PLCXD3: variants seen among roughly 807,000 people sequenced by gnomAD.
PLCXD3 encodes the protein phosphatidylinositol specific phospholipase C X domain containing 3.
Under a neutral mutation model 25.5 loss-of-function variants are expected in PLCXD3, and 19 were observed. That is an observed-to-expected ratio of 0.75 (90% confidence interval 0.52 to 1.09). The LOEUF is 1.09. Ranked by LOEUF, PLCXD3 falls within the 50% of genes least tolerant of loss-of-function variation. PLCXD3 has a pLI of 0.00. For synonymous variants in PLCXD3, 174 were observed against 137.6 expected (o/e 1.26, Z -1.85); for missense variants, 411 against 388.1 (o/e 1.06, Z -0.50).
intron 1 of PLCXD3, among the ~76,000 whole-genome samples, chr5:41,507,136 G>GT: frequency 1.3e-5 from 2 of 152,272 alleles, no homozygotes; most frequent in Middle Eastern, 6.8e-3. Flanking sequence ...TGATTACAGA[G>GT]TTAGAACTCT....
chr5:41,475,805 T>C, intron 1 of PLCXD3: 2 of 505,310 alleles, frequency 4.0e-6, no homozygotes, highest in Non-Finnish European at 8.1e-6. Context: ...AGACCATCAT[T>C]ATGAGACTGA....
intron 1 of PLCXD3, chr5:41,456,568 G>T: frequency 1.1e-6 from 1 of 946,846 alleles, no homozygotes; most frequent in Non-Finnish European, 1.3e-6. Context: ...ATGCTGGAAA[G>T]TAGATGTTTG....
intron 1 of PLCXD3, among the ~76,000 whole-genome samples, chr5:41,463,747 T>C (rs1747947050): frequency 6.6e-6 from 1 of 151,944 alleles, no homozygotes. Context: ...TGTCCTCATA[T>C]TGCTGCGGCA....
intron 1 of PLCXD3, among the ~76,000 whole-genome samples, chr5:41,451,553 G>A (rs1031967366): frequency 8.6e-5 from 13 of 151,952 alleles, no homozygotes; most frequent in African/African-American, 2.9e-4. Context: ...GAGAGGAAAA[G>A]CATTGACTTT....
At chr5:41,462,075 G>A (rs987633959) in intron 1 of PLCXD3, among the ~76,000 whole-genome samples, 2 of 151,902 alleles carry the variant, frequency 1.3e-5, no homozygotes, top group African/African-American at 4.8e-5. Flanking sequence ...TTTAATCTAG[G>A]CAGCAGATGT....
At chr5:41,388,061 A>T (rs1159494052) in intron 1 of PLCXD3, among the ~76,000 whole-genome samples, 2 of 152,138 alleles carry the variant, frequency 1.3e-5, no homozygotes, top group Admixed American at 6.6e-5. Flanking sequence ...AACAGGGTAC[A>T]TAATGGGACC....
Position 41,313,730 on chromosome 5 carries a change from G to T in PLCXD3, c.853C>A (p.Pro285Thr). ...AMMQWVRTQK[P>T]GESGINIVTA... ...ACAATATTGATGCCACTCTCTCCTG[G>T]CTTCTGCGTGCGGACCCACTGCATC... Residue 285 changes from proline (P) to threonine (T), a missense_variant, in exon 3 of 3, where the codon CCA (proline) becomes ACA (threonine). Coordinates refer to ENST00000377801, the MANE Select transcript of PLCXD3 (RefSeq NM_001005473.3). 6.2e-7 allele frequency: 1 copy of T among 1,612,680 alleles called. No homozygotes were observed. Among genetic ancestry groups the T allele is most frequent in the Non-Finnish European group, 8.5e-7 (1 of 1,179,300 alleles).
At chr5:41,425,235 C>G (rs560570220) in intron 1 of PLCXD3, among the ~76,000 whole-genome samples, 8 of 151,772 alleles carry the variant, frequency 5.3e-5, no homozygotes, top group Non-Finnish European at 1.0e-4. Flanking sequence ...TTACTTTCAA[C>G]CTTTTTGTGT....
chr5:41,338,552 C>T (rs1291701101), intron 2 of PLCXD3, among the ~76,000 whole-genome samples: 1 of 151,994 alleles, frequency 6.6e-6, no homozygotes, highest in East Asian at 1.9e-4. Context: ...AGGGGCTCAA[C>T]TTGAGCATCC....
At chr5:41,423,332 G>A (rs1335355646) in intron 1 of PLCXD3, among the ~76,000 whole-genome samples, 1 of 151,846 alleles carries the variant, frequency 6.6e-6, no homozygotes, top group Non-Finnish European at 1.5e-5. Flanking sequence ...TTATTATAAG[G>A]CTTTTGAATT....
At chr5:41,440,273 C>G (rs190243226) in intron 1 of PLCXD3, among the ~76,000 whole-genome samples, 3 of 117,554 alleles carry the variant, frequency 2.6e-5, no homozygotes, top group Admixed American at 2.2e-4. Flanking sequence ...CACTGTGTCA[C>G]CCAGGCTGGA....
intron 1 of PLCXD3, among the ~76,000 whole-genome samples, chr5:41,398,366 G>T (rs76133124): frequency 3.0e-4 from 45 of 152,250 alleles, no homozygotes; most frequent in African/African-American, 1.0e-3. Context: ...GGTAAAATCT[G>T]CTTGCTTTCC....
At chr5:41,406,878 G>T (rs750094746) in intron 1 of PLCXD3, among the ~76,000 whole-genome samples, 3 of 152,108 alleles carry the variant, frequency 2.0e-5, no homozygotes, top group Admixed American at 1.3e-4. Flanking sequence ...AGTTCCTTTT[G>T]CTTTTTGTCT....
chr5:41,372,652 ATCTTCTT>A (rs1249418680), intron 2 of PLCXD3, among the ~76,000 whole-genome samples: 5 of 152,054 alleles, frequency 3.3e-5, no homozygotes, highest in African/African-American at 1.2e-4. Flanking sequence ...CTGGTACAGA[ATCTTCTT>A]CCTTCTGAGA....
intron 2 of PLCXD3, among the ~76,000 whole-genome samples, chr5:41,373,765 A>G (rs945750833): frequency 2.0e-5 from 3 of 151,976 alleles, no homozygotes; most frequent in Non-Finnish European, 4.4e-5. Context: ...CATAATGTTA[A>G]TTGGCTTTGG....
chr5:41,458,275 T>C (rs559470681), intron 1 of PLCXD3, among the ~76,000 whole-genome samples: 7 of 151,612 alleles, frequency 4.6e-5, no homozygotes, highest in African/African-American at 1.5e-4. Context: ...GAACAGAATA[T>C]AGAAGGAATA....
intron 1 of PLCXD3, among the ~76,000 whole-genome samples, chr5:41,469,912 T>C (rs182823437): frequency 4.9e-4 from 75 of 152,300 alleles, no homozygotes; most frequent in Admixed American, 2.6e-3. Context: ...CACACATTTG[T>C]CATGTATGGT....
intron 1 of PLCXD3, among the ~76,000 whole-genome samples, chr5:41,499,897 C>G (rs1256724683): frequency 6.6e-6 from 1 of 151,844 alleles, no homozygotes; most frequent in East Asian, 1.9e-4. Context: ...AGGATAGTCT[C>G]TTTGATAAAG....
chr5:41,368,058 C>T (rs981283545), intron 2 of PLCXD3, among the ~76,000 whole-genome samples: 5 of 152,008 alleles, frequency 3.3e-5, no homozygotes, highest in Admixed American at 6.6e-5. Context: ...GGCAGTATGG[C>T]CATTTTCACA....
Sources: gnomAD v4.1 joint callset for allele counts (sites outside exome capture counted in the v4.1 genomes callset) on GRCh38, gnomAD v4.1.1 for gene constraint, MANE v1.5 for transcripts, NCBI Gene and HGNC (gene_info 2026-07-23, HGNC 2026-07-21) for gene names.